UHRF1: variants seen among roughly 807,000 people sequenced by gnomAD.
UHRF1 encodes ubiquitin like with PHD and ring finger domains 1.
Under a neutral mutation model 96.5 loss-of-function variants are expected in UHRF1, and 9 were observed. The ratio of observed to expected loss-of-function variants is 0.09; its 90% confidence interval spans 0.06 to 0.16. The LOEUF is 0.16. UHRF1 is among the 10% of genes least tolerant of loss of function. The pLI is 1.00. For missense variants in UHRF1, 626 were observed against 1,131.1 expected, an observed-to-expected ratio of 0.55 and a Z score of 6.40; for synonymous variants, 455 against 469.9, an observed-to-expected ratio of 0.97 and a Z score of 0.41.
chr19:4,903,173 C>A, exon 1 of UHRF1: 2 of 262,762 alleles, frequency 7.6e-6, no homozygotes, highest in East Asian at 1.6e-4. Flanking sequence ...ACCACGGGTG[C>A]ATGCCAGCAT....
Position 4,930,920 on chromosome 19 carries a change from G to T in UHRF1, c.569+44G>T. 6.2e-7 allele frequency: 1 copy of T among 1,608,258 alleles called. No individual in the cohort carries two copies. The highest frequency in any genetic ancestry group is 1.1e-5 in the South Asian group (1 of 90,746). The stretch of plus-strand genomic sequence containing the variant: ...GCGGGCCTGGGTATTCAGGCTCTGT[G>T]ACGCGCATCCTTGGCTGCGGGTGTT... On this transcript the variant is annotated intron_variant, in intron 4 of 16. Transcript: ENST00000650932. The surrounding 1 kb of genome is among the most constrained non-coding windows in gnomAD (Gnocchi z 4.4).
chr19:4,946,973 C>T (rs1053054579), intron 10 of UHRF1, 132 bp from the exon 11 acceptor site: 1 of 690,520 alleles, frequency 1.4e-6, no homozygotes, highest in African/African-American at 1.8e-5. Flanking sequence ...CCAATTTCCC[C>T]ACATTCTCAC....
intron 2 of UHRF1, among the ~76,000 whole-genome samples, chr19:4,919,662 T>A (rs534671630): frequency 3.3e-5 from 5 of 152,220 alleles, no homozygotes; most frequent in East Asian, 1.9e-4. Flanking sequence ...GGTTTTAGAT[T>A]AAGTCACTCC....
intron 2 of UHRF1, among the ~76,000 whole-genome samples, chr19:4,928,077 AG>A (rs1196227459): frequency 6.6e-6 from 1 of 152,062 alleles, no homozygotes; most frequent in Non-Finnish European, 1.5e-5. Context: ...ATCCTTCACC[AG>A]GGGGTCTCAC....
chr19:4,905,955 G>A (rs1332089083), upstream of UHRF1, among the ~76,000 whole-genome samples: 1 of 152,194 alleles, frequency 6.6e-6, no homozygotes, highest in Non-Finnish European at 1.5e-5. Flanking sequence ...TGTTACTCAT[G>A]TTTTTAAATG....
intron 11 of UHRF1, among the ~76,000 whole-genome samples, chr19:4,948,777 A>G (rs2033639099): frequency 6.6e-6 from 1 of 151,468 alleles, no homozygotes; most frequent in Admixed American, 6.6e-5. Flanking sequence ...CTTGCACTCT[A>G]GCCTGGGTAA....
intron 2 of UHRF1, among the ~76,000 whole-genome samples, chr19:4,920,938 A>G (rs2032681625): frequency 6.6e-6 from 1 of 150,632 alleles, no homozygotes; most frequent in African/African-American, 2.4e-5. Flanking sequence ...ATCCTGGCCA[A>G]CATGGTGAAA....
chr19:4,905,099 G>A (rs891899026), upstream of UHRF1, among the ~76,000 whole-genome samples: 4 of 145,430 alleles, frequency 2.8e-5, no homozygotes, highest in African/African-American at 5.1e-5. Flanking sequence ...ACACAAATTC[G>A]TAAACTTTCT....
At position 4,953,222 on chromosome 19, in the gene UHRF1, G is replaced by A. The variant is rs535426187; in HGVS notation, c.1819-1128G>A. On this transcript the variant is annotated intron_variant, in intron 13 of 16. Transcript: ENST00000650932. ...CATTGGTCGAGGCTCCACAGTTAAC[G>A]AAGAGCTGAATGCACAGGCGTCCCC... 1.2e-4 allele frequency among the ~76,000 whole-genome samples: 19 copies of A among 152,282 alleles called. No individual in the cohort carries two copies. In the South Asian group the frequency reaches 2.3e-3, roughly 18 times the overall value.
rs112932162 is a variant in UHRF1 at position 4,957,457 on chromosome 19, C to T, written c.2235+644C>T. Among the ~76,000 whole-genome samples, 20 of 151,934 alleles carry T rather than the reference C, an allele frequency of 1.3e-4. No homozygotes were observed. In the East Asian group the frequency reaches 1.5e-3, roughly 12 times the overall value. On this transcript the variant is annotated intron_variant, in intron 16 of 16. Transcript: ENST00000650932. ...CCGAGTAGCTGGGACTACAGGCGCC[C>T]GCCACCGTGCCCGGCTAATTTTTTG...
In UHRF1 at chr19:4,962,003, C is replaced by T. The variant is rs1458524843; in HGVS notation, c.*1200C>T. 6.6e-6 allele frequency: 1 copy of T among 151,992 alleles called. No homozygotes were observed. The highest frequency in any genetic ancestry group is 1.5e-5 in the Non-Finnish European group (1 of 68,014). 9.4% of individuals were successfully genotyped at this position (151,992 alleles called of 1,614,324 possible). On this transcript the variant is annotated 3_prime_UTR_variant, in exon 17 of 17. Transcript: ENST00000650932. ...TCACATACCTGCAGACAAACTGGAG[C>T]AATGTTATTTTTAAAGGGTTTTTTT...
chr19:4,909,718 G>C (rs1166277675), intron 1 of UHRF1, 63 bp downstream of exon 1: 10 of 495,000 alleles, frequency 2.0e-5, no homozygotes, highest in Non-Finnish European at 3.2e-5. Flanking sequence ...CGGGAACTTT[G>C]CAAAACTTTC....
At chr19:4,951,040 A>G (rs1367128683) in intron 13 of UHRF1, 44 bp downstream of exon 13, 5 of 1,537,674 alleles carry the variant, frequency 3.3e-6, no homozygotes, top group Non-Finnish European at 3.5e-6. Context: ...GCCAAGGCGG[A>G]TGGATCACTT....
Position 4,946,194 on chromosome 19 carries a change from C to A in UHRF1, c.1410+229C>A, listed in dbSNP as rs1424813853. 2.0e-5 allele frequency among the ~76,000 whole-genome samples: 3 copies of A among 152,146 alleles called. No individual in the cohort carries two copies. The East Asian group carries it at 5.8e-4, about 29-fold the overall frequency. Reference sequence around the variant, plus strand: ...CGAAGCACTCACTCCCCACCCCCTCCCAGTCCCTGGCACCGCCCAACCTGG... The same window carrying A: ...CGAAGCACTCACTCCCCACCCCCTCACAGTCCCTGGCACCGCCCAACCTGG... On this transcript the variant is annotated intron_variant, in intron 10 of 16. Transcript: ENST00000650932.
intron 2 of UHRF1, among the ~76,000 whole-genome samples, chr19:4,923,556 G>A (rs2146314195): frequency 6.6e-6 from 1 of 152,350 alleles, no homozygotes; most frequent in African/African-American, 2.4e-5. Flanking sequence ...GCTGGCTGGA[G>A]CTCAGGATGC....
At chr19:4,941,965 G>C (rs1214073904) in intron 7 of UHRF1, 34 bp downstream of exon 7, 4 of 1,449,950 alleles carry the variant, frequency 2.8e-6, no homozygotes, top group Admixed American at 5.8e-5. Context: ...GGGGAGACCA[G>C]AGCGCCCCCT....
upstream of UHRF1, among the ~76,000 whole-genome samples, chr19:4,907,720 T>C (rs1385018829): frequency 6.8e-6 from 1 of 146,548 alleles, no homozygotes; most frequent in Non-Finnish European, 1.5e-5. Flanking sequence ...TTTTTTTTTT[T>C]TTTTTTTTTG....
At chr19:4,956,324 C>T (rs1262845075) in intron 15 of UHRF1, among the ~76,000 whole-genome samples, 1 of 152,216 alleles carries the variant, frequency 6.6e-6, no homozygotes. Context: ...CTTGGCCTTC[C>T]AAAGTTCTGG....
At position 4,954,577 on chromosome 19, in the gene UHRF1, G is replaced by T; in HGVS notation, c.1958-73G>T. ...GGTGTGGGGTTGAGGTCGTGTGGAC[G>T]TGGGAGCCGGTGGCTGTCTCTCCGG... On this transcript the variant is annotated intron_variant, in intron 14 of 16. Coordinates refer to ENST00000650932, the MANE Select transcript of UHRF1 (RefSeq NM_001048201.3). This position sits in a 1 kb window ranked among gnomAD's most constrained non-coding sequence, Gnocchi z 5.9. 1.3e-6 allele frequency: 2 copies of T among 1,589,286 alleles called. No homozygotes were observed. Among genetic ancestry groups the T allele is most frequent in the East Asian group, 4.5e-5 (2 of 44,584 alleles).
Sources: allele counts gnomAD v4.1 joint callset (sites outside exome capture counted in the v4.1 genomes callset), GRCh38; gene constraint gnomAD v4.1.1; non-coding constraint Gnocchi (gnomAD v3.1); transcripts MANE v1.5; gene names NCBI Gene and HGNC (gene_info 2026-07-23, HGNC 2026-07-21).